Variants in LYPD6 observed in about 807,000 individuals in gnomAD.
The protein encoded by LYPD6 is LY6/PLAUR domain containing 6, also known as ly6/PLAUR domain-containing protein 6.
In LYPD6, 15 loss-of-function variants were observed where a neutral mutation model predicts 22.7. The ratio of observed to expected loss-of-function variants is 0.66; its 90% CI spans 0.44 to 1.02. The LOEUF is 1.02. LYPD6 is among the 50% of genes least tolerant of loss of function. The pLI is 0.00. For missense variants in LYPD6, 189 were observed against 208.4 expected, an observed-to-expected ratio of 0.91 and a Z score of 0.57; for synonymous variants, 72 against 77.5, an observed-to-expected ratio of 0.93 and a Z score of 0.37.
At chr2:149,373,089 C>G (rs925569333) in intron 1 of LYPD6, among the ~76,000 whole-genome samples, 1 of 152,060 alleles carries the variant, frequency 6.6e-6, no homozygotes, top group African/African-American at 2.4e-5. Flanking sequence ...GAGGCTGATG[C>G]TGTGGTCAGC....
chr2:149,432,256 C>A (rs1340285361), intron 1 of LYPD6, among the ~76,000 whole-genome samples: 2 of 152,044 alleles, frequency 1.3e-5, no homozygotes, highest in African/African-American at 4.8e-5. Flanking sequence ...GCATATATAC[C>A]CAAGAAAAAC....
At position 149,354,369 on chromosome 2, in the gene LYPD6, G is replaced by A. The variant is rs890130226; in HGVS notation, c.-72+23647G>A. Among the ~76,000 whole-genome samples, 9 of 152,018 alleles carry A rather than the reference G, an allele frequency of 5.9e-5. No individual in the cohort carries two copies. In the South Asian group the frequency reaches 6.2e-4, roughly 11 times the overall value. ...ATTACAGGTGCATGCCACCACACCC[G>A]GCTAATTTTTGTATTTTTAGTAGAG... On this transcript the variant is annotated intron_variant, in intron 1 of 4. Transcript: ENST00000334166.
At chr2:149,455,690 G>A (rs1248596207) in intron 3 of LYPD6, among the ~76,000 whole-genome samples, 1 of 152,116 alleles carries the variant, frequency 6.6e-6, no homozygotes, top group Non-Finnish European at 1.5e-5. Flanking sequence ...CCTCAGCTGG[G>A]ATGCTTCCAT....
chr2:149,394,017 C>G (rs147267777), intron 1 of LYPD6, among the ~76,000 whole-genome samples: 43 of 152,310 alleles, frequency 2.8e-4, no homozygotes, highest in African/African-American at 1.0e-3. Context: ...GCTTACAAAT[C>G]GGGCAGCTCT....
At chr2:149,432,669 C>T (rs1216453443) in intron 1 of LYPD6, among the ~76,000 whole-genome samples, 1 of 152,202 alleles carries the variant, frequency 6.6e-6, no homozygotes, top group Admixed American at 6.5e-5. Flanking sequence ...GCATAGTACC[C>T]TATGAGCACG....
chr2:149,382,062 G>A (rs981952320), intron 1 of LYPD6, among the ~76,000 whole-genome samples: 1 of 152,070 alleles, frequency 6.6e-6, no homozygotes, highest in African/African-American at 2.4e-5. Flanking sequence ...TTCAGTTATA[G>A]TCCAGTGTAT....
intron 1 of LYPD6, among the ~76,000 whole-genome samples, chr2:149,385,288 C>T (rs1682158886): frequency 6.6e-6 from 1 of 152,140 alleles, no homozygotes; most frequent in African/African-American, 2.4e-5. Flanking sequence ...CTGAAATCCT[C>T]TATTTAACAT....
chr2:149,419,441 C>T (rs1683031700), intron 1 of LYPD6, among the ~76,000 whole-genome samples: 2 of 152,218 alleles, frequency 1.3e-5, no homozygotes, highest in South Asian at 4.1e-4. Flanking sequence ...AGTACTGTAG[C>T]CACTGGCCAC....
chr2:149,409,064 G>A (rs1385797663), intron 1 of LYPD6, among the ~76,000 whole-genome samples: 2 of 152,134 alleles, frequency 1.3e-5, no homozygotes, highest in African/African-American at 2.4e-5. Context: ...GTGATTCAAG[G>A]GCTGCTGTTC....
chr2:149,468,608 A>G (rs1335782753), intron 3 of LYPD6, 37 bp from the exon 4 acceptor site: 2 of 1,602,362 alleles, frequency 1.2e-6, no homozygotes, highest in Non-Finnish European at 1.7e-6. Context: ...GGTTTGGTCA[A>G]CATTTCCCAT....
chr2:149,389,291 G>A (rs555077771), intron 1 of LYPD6, among the ~76,000 whole-genome samples: 4 of 152,084 alleles, frequency 2.6e-5, no homozygotes, highest in Non-Finnish European at 5.9e-5. Context: ...TATACAGGGT[G>A]GGGGAGAGTT....
intron 1 of LYPD6, among the ~76,000 whole-genome samples, chr2:149,337,930 A>G (rs956198005): frequency 2.6e-5 from 4 of 152,184 alleles, no homozygotes; most frequent in African/African-American, 9.6e-5. Flanking sequence ...AATGGCCTCC[A>G]GCTTCATCCA....
At chr2:149,476,724 C>A (rs1163647419), downstream of LYPD6, among the ~76,000 whole-genome samples, 1 of 152,214 alleles carries the variant, frequency 6.6e-6, no homozygotes, top group Admixed American at 6.5e-5. Flanking sequence ...TCTTGCTCCT[C>A]TTCCATCTAC....
intron 1 of LYPD6, among the ~76,000 whole-genome samples, chr2:149,331,449 A>G (rs1462875676): frequency 6.6e-6 from 1 of 151,972 alleles, no homozygotes; most frequent in Non-Finnish European, 1.5e-5. Flanking sequence ...TATCCTCACT[A>G]TCTCTACCGC....
At chr2:149,375,637 G>A (rs894787114) in intron 1 of LYPD6, among the ~76,000 whole-genome samples, 3 of 152,110 alleles carry the variant, frequency 2.0e-5, no homozygotes, top group Non-Finnish European at 4.4e-5. Context: ...ATTCTACCAT[G>A]CTTTTTTGTG....
chr2:149,389,100 G>T (rs1415687956), intron 1 of LYPD6, among the ~76,000 whole-genome samples: 2 of 151,910 alleles, frequency 1.3e-5, no homozygotes, highest in Non-Finnish European at 2.9e-5. Flanking sequence ...TGACTAGAAG[G>T]TTAAAAAAAA....
At chr2:149,402,547 C>T (rs1054374998) in intron 1 of LYPD6, among the ~76,000 whole-genome samples, 14 of 152,028 alleles carry the variant, frequency 9.2e-5, no homozygotes, top group Admixed American at 2.6e-4. Flanking sequence ...TCCATGCCAA[C>T]ATCTGTTATT....
At chr2:149,468,486 C>G (rs1268315950) in intron 3 of LYPD6, among the ~76,000 whole-genome samples, 159 bp from the exon 4 acceptor site, 1 of 152,160 alleles carries the variant, frequency 6.6e-6, no homozygotes, top group African/African-American at 2.4e-5. Flanking sequence ...GTGGAGCTCT[C>G]CAAAGAGGTC....
chr2:149,465,119 C>G (rs1681172564), intron 3 of LYPD6, among the ~76,000 whole-genome samples: 1 of 152,130 alleles, frequency 6.6e-6, no homozygotes, highest in Non-Finnish European at 1.5e-5. Context: ...AAGGACAGAA[C>G]ATGGGAGAAT....
Sources: gnomAD v4.1 joint callset for allele counts (sites outside exome capture counted in the v4.1 genomes callset) on GRCh38, gnomAD v4.1.1 for gene constraint, MANE v1.5 for transcripts, NCBI Gene and HGNC (gene_info 2026-07-23, HGNC 2026-07-21) for gene names.